The following MAN1A2 variants were observed in gnomAD, a reference collection of about 807,000 sequenced individuals.
The protein encoded by MAN1A2 is mannosyl-oligosaccharide 1,2-alpha-mannosidase IB.
In MAN1A2, 26 loss-of-function variants were observed where a neutral mutation model predicts 75.7. The ratio of observed to expected loss-of-function variants is 0.34; its 90% CI spans 0.25 to 0.48. The LOEUF (loss-of-function observed/expected upper bound fraction) is 0.48, where lower values mean the gene tolerates loss of function less well. MAN1A2 is among the 20% of genes least tolerant of loss of function. The pLI is 0.99. For missense variants in MAN1A2, 562 were observed against 775.5 expected, an observed-to-expected ratio of 0.72 and a Z score of 3.27; for synonymous variants, 247 against 264.6, an observed-to-expected ratio of 0.93 and a Z score of 0.65.
chr1:117,452,757 C>T (rs1317207987), intron 6 of MAN1A2, among the ~76,000 whole-genome samples: 1 of 152,182 alleles, frequency 6.6e-6, no homozygotes, highest in Non-Finnish European at 1.5e-5. Context: ...GTAGAAATTG[C>T]AGCAAGTGAT....
intron 12 of MAN1A2, among the ~76,000 whole-genome samples, chr1:117,516,880 T>C (rs1002118808): frequency 5.3e-5 from 8 of 152,064 alleles, no homozygotes; most frequent in African/African-American, 1.9e-4. Flanking sequence ...GGGAATGCAC[T>C]GGAGTGTTCA....
intron 1 of MAN1A2, among the ~76,000 whole-genome samples, chr1:117,393,732 C>T (rs1406748822): frequency 6.6e-6 from 1 of 152,004 alleles, no homozygotes; most frequent in African/African-American, 2.4e-5. Context: ...ATGTAAAATT[C>T]ATTTATGATT....
chr1:117,370,738 AGT>A (rs71658400), intron 1 of MAN1A2, among the ~76,000 whole-genome samples: 20,832 of 148,218 alleles, frequency 0.14, 1,605 homozygotes, highest in Middle Eastern at 0.21. Flanking sequence ...ATCTTCATTT[AGT>A]GTGTGTGTGT....
At chr1:117,455,119 A>G (rs1369515922) in intron 6 of MAN1A2, among the ~76,000 whole-genome samples, 2 of 152,176 alleles carry the variant, frequency 1.3e-5, no homozygotes, top group Admixed American at 6.5e-5. Flanking sequence ...TATCACATCA[A>G]TAGGATATAG....
chr1:117,396,028 T>C (rs2101745973), intron 1 of MAN1A2, among the ~76,000 whole-genome samples: 1 of 152,344 alleles, frequency 6.6e-6, no homozygotes, highest in South Asian at 2.1e-4. Flanking sequence ...ACAGTATGCA[T>C]GATTGCCAAC....
intron 8 of MAN1A2, among the ~76,000 whole-genome samples, chr1:117,475,166 C>T (rs980588508): frequency 1.3e-5 from 2 of 151,812 alleles, no homozygotes; most frequent in Non-Finnish European, 2.9e-5. Flanking sequence ...GTTCTCACTT[C>T]TCTCGGGGAA....
intron 7 of MAN1A2, among the ~76,000 whole-genome samples, chr1:117,464,901 A>C (rs1649936854): frequency 6.6e-6 from 1 of 152,208 alleles, no homozygotes. Context: ...GTTAAAAAAG[A>C]ACAGGTACAG....
At chr1:117,425,756 T>C (rs1166689856) in intron 5 of MAN1A2, among the ~76,000 whole-genome samples, 1 of 152,208 alleles carries the variant, frequency 6.6e-6, no homozygotes, top group Non-Finnish European at 1.5e-5. Flanking sequence ...TTTTTATCTT[T>C]TTGTGTATGT....
chr1:117,516,937 AG>A (rs1402592129), intron 12 of MAN1A2, among the ~76,000 whole-genome samples: 1 of 152,142 alleles, frequency 6.6e-6, no homozygotes, highest in African/African-American at 2.4e-5. Flanking sequence ...ACCTGAGGTG[AG>A]GGAAAGAATC....
intron 4 of MAN1A2, among the ~76,000 whole-genome samples, chr1:117,420,104 T>C (rs1648137686): frequency 6.6e-6 from 1 of 152,086 alleles, no homozygotes; most frequent in Non-Finnish European, 1.5e-5. Flanking sequence ...ATTTTTTTGG[T>C]GCCTCCTTTA....
At chr1:117,426,972 CT>C (rs1175867282) in intron 5 of MAN1A2, among the ~76,000 whole-genome samples, 1 of 152,114 alleles carries the variant, frequency 6.6e-6, no homozygotes, top group Non-Finnish European at 1.5e-5. Flanking sequence ...ATATACTAGG[CT>C]GTCATAGCTC....
chr1:117,481,090 G>A (rs756780169), intron 8 of MAN1A2, among the ~76,000 whole-genome samples: 1 of 151,816 alleles, frequency 6.6e-6, no homozygotes, highest in Non-Finnish European at 1.5e-5. Context: ...AGCATCCACT[G>A]TTCTGCCCAG....
At chr1:117,372,202 G>A (rs1382948443) in intron 1 of MAN1A2, among the ~76,000 whole-genome samples, 1 of 152,200 alleles carries the variant, frequency 6.6e-6, no homozygotes, top group African/African-American at 2.4e-5. Context: ...AACAAGTTAA[G>A]AGGGGCTGGG....
In MAN1A2 at chr1:117,525,271, T is replaced by C. The variant is rs976888191; in HGVS notation, c.*2314T>C. 1 of 363,294 alleles carries C rather than the reference T, an allele frequency of 2.8e-6. No homozygotes were observed. Among genetic ancestry groups the C allele is most frequent in the African/African-American group, 2.1e-5 (1 of 47,060 alleles). 22.5% of individuals were successfully genotyped at this position (363,294 alleles called of 1,614,324 possible). A position where few individuals can be genotyped will look rare whatever the true frequency, so the allele number is the denominator to read the frequency against. On this transcript the variant is annotated 3_prime_UTR_variant, in exon 13 of 13. Coordinates refer to ENST00000356554, the MANE Select transcript of MAN1A2 (RefSeq NM_006699.5). ...TCACCACTCCTTACCTTCTATGTGA[T>C]GGAAAGACTAGAGCTTATAAAAGTA...
chr1:117,515,589 C>G (rs545109748), intron 12 of MAN1A2: 1 of 152,068 alleles, frequency 6.6e-6, no homozygotes, highest in Non-Finnish European at 1.5e-5. Flanking sequence ...TAAAAAAACA[C>G]TAAAGAAACT....
At chr1:117,483,192 T>C in intron 8 of MAN1A2, among the ~76,000 whole-genome samples, 1 of 152,186 alleles carries the variant, frequency 6.6e-6, no homozygotes, top group East Asian at 1.9e-4. Context: ...AACTTTGTTC[T>C]TTTTGCTTAG....
At chr1:117,459,517 A>G (rs1304858637) in intron 6 of MAN1A2, among the ~76,000 whole-genome samples, 2 of 152,170 alleles carry the variant, frequency 1.3e-5, no homozygotes, top group Admixed American at 6.5e-5. Context: ...GAAATGGACT[A>G]TTTTTAACAA....
chr1:117,377,838 T>C (rs1198368096), intron 1 of MAN1A2, among the ~76,000 whole-genome samples: 3 of 152,132 alleles, frequency 2.0e-5, no homozygotes, highest in Admixed American at 1.3e-4. Flanking sequence ...TATTGGCTCA[T>C]GCCTGTAATC....
At position 117,525,378 on chromosome 1, in the gene MAN1A2, G is replaced by T; in HGVS notation, c.*2421G>T. 1 of 234,828 alleles carries T rather than the reference G, an allele frequency of 4.3e-6. No individual in the cohort carries two copies. The highest frequency in any genetic ancestry group is 9.2e-5 in the East Asian group (1 of 10,888). The allele number at this position is 234,828 out of a possible 1,614,324, so 14.5% of individuals were successfully genotyped here. A position where few individuals can be genotyped will look rare whatever the true frequency, so the allele number is the denominator to read the frequency against. The stretch of plus-strand genomic sequence containing the variant: ...CTTGCCAGTGTCATGTTTTATTTTT[G>T]TTATAGATTTTTAAATTATTTCCTT... On this transcript the variant is annotated 3_prime_UTR_variant, in exon 13 of 13. Transcript: ENST00000356554.
Sources: allele counts gnomAD v4.1 joint callset (sites outside exome capture counted in the v4.1 genomes callset), GRCh38; gene constraint gnomAD v4.1.1; transcripts MANE v1.5; gene names NCBI Gene and HGNC (gene_info 2026-07-23, HGNC 2026-07-21).